CDK5RAP2: variants seen among roughly 807,000 people sequenced by gnomAD.
CDK5RAP2 encodes CDK5 regulatory subunit associated protein 2.
In CDK5RAP2, 147 loss-of-function variants were observed where a neutral mutation model predicts 232.9. The ratio of observed to expected loss-of-function variants is 0.63; its 90% CI spans 0.55 to 0.72. The LOEUF (loss-of-function observed/expected upper bound fraction) is 0.72, where lower values mean the gene tolerates loss of function less well. CDK5RAP2 is among the 30% of genes least tolerant of loss of function. The pLI is 0.00. For missense variants in CDK5RAP2, 2,195 were observed against 2,231.5 expected, an observed-to-expected ratio of 0.98 and a Z score of 0.33; for synonymous variants, 833 against 833.7, an observed-to-expected ratio of 1.00 and a Z score of 0.01.
chr9:120,448,362 C>T (rs538289900), intron 21 of CDK5RAP2, among the ~76,000 whole-genome samples: 7 of 152,322 alleles, frequency 4.6e-5, no homozygotes, highest in East Asian at 3.9e-4. Context: ...CCTGGCCTAT[C>T]GTCTCTCTGG....
intron 1 of CDK5RAP2, among the ~76,000 whole-genome samples, chr9:120,579,650 TACTCTTTCAGAAA>T (rs1014348091): frequency 3.3e-5 from 5 of 152,216 alleles, no homozygotes; most frequent in African/African-American, 1.2e-4. Flanking sequence ...ACCCTCGTCC[TACTCTTTCAGAAA>T]ACTCCTTACC....
chr9:120,454,237 C>T (rs886962573), intron 20 of CDK5RAP2, among the ~76,000 whole-genome samples: 16 of 152,204 alleles, frequency 1.1e-4, no homozygotes, highest in African/African-American at 2.4e-4. Context: ...GACTCTACCC[C>T]GCCAGCCAAC....
rs2033626272 is a variant in CDK5RAP2, at chr9:120,408,430, G to A, written c.4643C>T (p.Ser1548Leu). 1.2e-6 allele frequency: 2 copies of A among 1,614,078 alleles called. No individual in the cohort carries two copies. The highest frequency in any genetic ancestry group is 1.7e-6 in the Non-Finnish European group (2 of 1,179,960). ...EEVKLRQQLL[S>L]QNDKLLQSLR... ...AGACTGCAATAGCTTGTCATTCTGTGAGAGCAGCTGCTGCCTCAACTTCAC... is the reference window on the plus strand; with the variant it reads ...AGACTGCAATAGCTTGTCATTCTGTAAGAGCAGCTGCTGCCTCAACTTCAC... Residue 1548 changes from serine (S) to leucine (L), a missense_variant, in exon 31 of 38, where the codon TCA becomes TTA. Physicochemically the swap from Ser to Leu is moderately radical, Grantham distance 145. Transcript: ENST00000349780.
intron 12 of CDK5RAP2, among the ~76,000 whole-genome samples, chr9:120,503,708 G>A (rs1202027323): frequency 6.6e-6 from 1 of 152,108 alleles, no homozygotes; most frequent in Non-Finnish European, 1.5e-5. Context: ...TGGAGGTCTG[G>A]AGGAGAGAAT....
At chr9:120,492,573 A>G (rs2038962092) in intron 12 of CDK5RAP2, among the ~76,000 whole-genome samples, 1 of 152,204 alleles carries the variant, frequency 6.6e-6, no homozygotes. Context: ...GAGCAAGCAA[A>G]CAAATGAATC....
At chr9:120,491,687 T>C (rs1183327203) in intron 12 of CDK5RAP2, among the ~76,000 whole-genome samples, 2 of 152,218 alleles carry the variant, frequency 1.3e-5, no homozygotes, top group Non-Finnish European at 2.9e-5. Flanking sequence ...TATGAACAGA[T>C]ATTTATCACA....
intron 26 of CDK5RAP2, among the ~76,000 whole-genome samples, chr9:120,421,126 G>C (rs1009112232): frequency 6.6e-6 from 1 of 152,152 alleles, no homozygotes; most frequent in Non-Finnish European, 1.5e-5. Flanking sequence ...TAACACATTT[G>C]AGGACCAGCC....
rs4837782 is a variant in CDK5RAP2, at chr9:120,568,535, T to C, written c.128-147A>G. On this transcript the variant is annotated intron_variant, in intron 2 of 37. Transcript: ENST00000349780. ...CTTGCTGTCTTTTGTGATTTACTGA[T>C]TTTGCTCCAGGGAAAGCTCTAAACC... 657,455 of 727,814 alleles carry C rather than the reference T, an allele frequency of 0.9. 299,131 individuals are homozygous for C. Among genetic ancestry groups the C allele is most frequent in the Non-Finnish European group, 0.95 (374,078 of 395,724 alleles). 45.1% of individuals were successfully genotyped at this position (727,814 alleles called of 1,614,324 possible).
At chr9:120,448,660 C>T (rs1028800639) in intron 21 of CDK5RAP2, among the ~76,000 whole-genome samples, 3 of 152,144 alleles carry the variant, frequency 2.0e-5, no homozygotes, top group Non-Finnish European at 2.9e-5. Context: ...TCCATCACCC[C>T]GTGTCTCCGC....
intron 1 of CDK5RAP2, among the ~76,000 whole-genome samples, chr9:120,573,583 C>T (rs2042930924): frequency 6.6e-6 from 1 of 151,670 alleles, no homozygotes; most frequent in Non-Finnish European, 1.5e-5. Context: ...AAAGTGTCCC[C>T]TGTAAAGGTA....
At chr9:120,477,555 G>A (rs2038082696) in intron 14 of CDK5RAP2, 105 bp from the exon 15 acceptor site, 13 of 890,448 alleles carry the variant, frequency 1.5e-5, no homozygotes, top group Admixed American at 5.5e-5. Flanking sequence ...AAAATCAAAC[G>A]AAGGTGAGAG....
intron 21 of CDK5RAP2, among the ~76,000 whole-genome samples, chr9:120,450,466 C>T (rs1352519300): frequency 6.6e-6 from 1 of 151,976 alleles, no homozygotes; most frequent in African/African-American, 2.4e-5. Context: ...AAAAAAAAAC[C>T]CACTGAATTG....
chr9:120,439,839 C>A lies in CDK5RAP2; in HGVS notation c.3282G>T (p.Val1094=), dbSNP rs577559946. ...SKSQPSAKVS[V]MGTDQSESIN... ...TGCTCTCTGACTGATCAGTCCCCAT[C>A]ACACTGACTTTAGCAGAAGGCTGAC... Residue 1094 remains valine, a synonymous_variant, in exon 24 of 38, where the codon GTG becomes GTT. Transcript: ENST00000349780. 1 of 1,614,168 alleles carries A rather than the reference C, an allele frequency of 6.2e-7. No homozygotes were observed. Among genetic ancestry groups the A allele is most frequent in the East Asian group, 2.2e-5 (1 of 44,886 alleles).
intron 25 of CDK5RAP2, among the ~76,000 whole-genome samples, chr9:120,425,996 G>C (rs1435960467): frequency 6.6e-6 from 1 of 152,218 alleles, no homozygotes; most frequent in Admixed American, 6.5e-5. Flanking sequence ...GACCATCAAG[G>C]AACATTTCGG....
chr9:120,394,789 A>C lies in CDK5RAP2; in HGVS notation c.5452-151T>G, dbSNP rs557604392. The C allele has an allele frequency of 1.5e-5, 11 of 729,368 alleles. No homozygotes were observed. The South Asian group carries it at 1.9e-4, about 12-fold the overall frequency. The allele number at this position is 729,368 out of a possible 1,614,324, so 45.2% of individuals were successfully genotyped here. The stretch of plus-strand genomic sequence containing the variant: ...AGAAGCCTTTTCCTGACAACCAGGA[A>C]AAGGCAAAATTGGACAAAACTCATT... On this transcript the variant is annotated intron_variant, in intron 35 of 37. Coordinates refer to ENST00000349780, the MANE Select transcript of CDK5RAP2 (RefSeq NM_018249.6).
intron 3 of CDK5RAP2, among the ~76,000 whole-genome samples, chr9:120,556,713 C>T (rs535677926): frequency 6.6e-6 from 1 of 152,160 alleles, no homozygotes; most frequent in South Asian, 2.1e-4. Context: ...ACAGGTGTGA[C>T]CCACCACACC....
rs765630248 is a variant in CDK5RAP2, at chr9:120,402,966, T to C, written c.5147A>G (p.His1716Arg). 12 of 1,614,044 alleles carry C rather than the reference T, an allele frequency of 7.4e-6. No homozygotes were observed. In the South Asian group the frequency reaches 1.2e-4, roughly 16 times the overall value. ...GCCATTCTTGCTGGCCCACAGGTGG[T>C]GGCCAGTGACCAGGCGGGACACACA... ...TPCVSRLVTG[H>R]HLWASKNGRH... Residue 1716 changes from histidine to arginine, a missense_variant, in exon 34 of 38, where the codon CAC (histidine) becomes CGC (arginine). His to Arg is a conservative substitution (Grantham distance 29). Transcript: ENST00000349780.
Position 120,419,805 on chromosome 9 carries a change from A to AC in CDK5RAP2, c.4159dup (p.Val1387GlyfsTer28). 1 of 1,613,744 alleles carries AC rather than the reference A, an allele frequency of 6.2e-7. No individual in the cohort carries two copies. The highest frequency in any genetic ancestry group is 1.3e-5 in the African/African-American group (1 of 75,048). On this transcript the variant is annotated frameshift_variant, in exon 27 of 38. Coordinates refer to ENST00000349780, the MANE Select transcript of CDK5RAP2 (RefSeq NM_018249.6). LOFTEE classifies it high-confidence loss of function. ...TAGCTTACCTTGAGAAAAACTGTTCACCATAACTGAAGTCTTCTCTGTCTC... is the reference window on the plus strand; with the variant it reads ...TAGCTTACCTTGAGAAAAACTGTTCACCCATAACTGAAGTCTTCTCTGTCTC...
intron 3 of CDK5RAP2, among the ~76,000 whole-genome samples, chr9:120,561,244 AATC>A (rs910905731): frequency 2.6e-4 from 40 of 152,326 alleles, no homozygotes; most frequent in African/African-American, 8.4e-4. Context: ...GGTGTTTTCA[AATC>A]ATCAAGAAAA....
Sources: allele counts gnomAD v4.1 joint callset (sites outside exome capture counted in the v4.1 genomes callset), GRCh38; gene constraint gnomAD v4.1.1; transcripts MANE v1.5; gene names NCBI Gene and HGNC (gene_info 2026-07-23, HGNC 2026-07-21).